Variants in SLC35F3 observed in about 807,000 individuals in gnomAD.
SLC35F3 encodes the protein solute carrier family 35 member F3.
Under a neutral mutation model 49.9 loss-of-function variants are expected in SLC35F3, and 25 were observed. The observed-to-expected ratio is 0.50, with a 90% CI of 0.37 to 0.70. The LOEUF is 0.70. SLC35F3 is among the 30% of genes least tolerant of loss of function. The pLI, the probability that SLC35F3 is intolerant of heterozygous loss-of-function variation, is 0.00. For missense variants in SLC35F3, 525 were observed against 639.8 expected, an observed-to-expected ratio of 0.82 and a Z score of 1.94; for synonymous variants, 275 against 265.4, an observed-to-expected ratio of 1.04 and a Z score of -0.35.
At chr1:234,121,133 CT>C (rs66702949) in intron 2 of SLC35F3, among the ~76,000 whole-genome samples, 17,384 of 102,322 alleles carry the variant, frequency 0.17, 418 homozygotes, top group Non-Finnish European at 0.22. Context: ...TGAAAAATTA[CT>C]TTTTTTTTTT....
chr1:234,322,029 T>TAAC (rs1430527113), intron 7 of SLC35F3, among the ~76,000 whole-genome samples: 1 of 151,286 alleles, frequency 6.6e-6, no homozygotes, highest in Non-Finnish European at 1.5e-5. Flanking sequence ...AAAATAATAA[T>TAAC]AATAATAATA....
chr1:234,226,041 G>C (rs964441299), intron 2 of SLC35F3, among the ~76,000 whole-genome samples: 1 of 152,140 alleles, frequency 6.6e-6, no homozygotes, highest in African/African-American at 2.4e-5. Flanking sequence ...ACTTCAAATG[G>C]GCACAAGAAC....
intron 2 of SLC35F3, among the ~76,000 whole-genome samples, chr1:233,967,632 A>G (rs1310937455): frequency 6.6e-6 from 1 of 152,226 alleles, no homozygotes; most frequent in African/African-American, 2.4e-5. Flanking sequence ...CCCAGTAAGA[A>G]GAAATATTCC....
intron 2 of SLC35F3, chr1:234,212,827 C>T (rs1667063044): frequency 6.6e-6 from 1 of 152,130 alleles, no homozygotes. Flanking sequence ...TTGCTGTAAG[C>T]TTATTCCAAA....
chr1:234,301,357 A>T (rs1230370456), intron 3 of SLC35F3, among the ~76,000 whole-genome samples: 1 of 152,194 alleles, frequency 6.6e-6, no homozygotes, highest in Non-Finnish European at 1.5e-5. Context: ...GAAAAAGACA[A>T]CCCCATCAAA....
At chr1:234,073,730 C>T (rs757296275) in intron 2 of SLC35F3, among the ~76,000 whole-genome samples, 2 of 152,138 alleles carry the variant, frequency 1.3e-5, no homozygotes, top group Non-Finnish European at 2.9e-5. Flanking sequence ...AATAAAAATC[C>T]AGTATAAACT....
chr1:234,262,752 G>A (rs527664037), intron 3 of SLC35F3, among the ~76,000 whole-genome samples: 3 of 152,320 alleles, frequency 2.0e-5, no homozygotes, highest in South Asian at 2.1e-4. Flanking sequence ...CTGAGGGCAG[G>A]TGGTGAGACC....
intron 2 of SLC35F3, among the ~76,000 whole-genome samples, chr1:234,124,781 T>C (rs528871488): frequency 6.6e-6 from 1 of 152,246 alleles, no homozygotes; most frequent in South Asian, 2.1e-4. Flanking sequence ...GGTGGGAGGA[T>C]CACTTGAGCC....
intron 3 of SLC35F3, among the ~76,000 whole-genome samples, chr1:234,287,628 T>A (rs1668443454): frequency 6.6e-6 from 1 of 152,226 alleles, no homozygotes; most frequent in Non-Finnish European, 1.5e-5. Context: ...TCCCATGTTA[T>A]AAATGATGAA....
intron 2 of SLC35F3, among the ~76,000 whole-genome samples, chr1:233,960,522 G>C (rs1662777334): frequency 6.6e-6 from 1 of 152,200 alleles, no homozygotes; most frequent in African/African-American, 2.4e-5. Flanking sequence ...CTGGCAGATG[G>C]CTCTCTGGCT....
chr1:234,188,434 C>T (rs1014323163), intron 2 of SLC35F3, among the ~76,000 whole-genome samples: 14 of 152,144 alleles, frequency 9.2e-5, no homozygotes, highest in East Asian at 1.9e-4. Context: ...CAGCTTTCCC[C>T]GACTTCCTGA....
At chr1:234,047,524 CATT>C (rs907150707) in intron 2 of SLC35F3, among the ~76,000 whole-genome samples, 2 of 152,186 alleles carry the variant, frequency 1.3e-5, no homozygotes, top group African/African-American at 4.8e-5. Flanking sequence ...AAAATTGAAT[CATT>C]GGTTCTTCCT....
chr1:234,298,143 T>C (rs575952216), intron 3 of SLC35F3, among the ~76,000 whole-genome samples: 525 of 152,340 alleles, frequency 3.4e-3, no homozygotes, highest in Non-Finnish European at 5.5e-3. Flanking sequence ...AAGACAGGTT[T>C]TTTTTGAGAA....
At chr1:234,226,403 C>T (rs143239477) in intron 2 of SLC35F3, among the ~76,000 whole-genome samples, 40 of 151,760 alleles carry the variant, frequency 2.6e-4, no homozygotes, top group African/African-American at 3.6e-4. Flanking sequence ...TCAGAAAGGA[C>T]TCAACAAGGG....
chr1:234,155,410 T>G (rs1022184680), intron 2 of SLC35F3, among the ~76,000 whole-genome samples: 3 of 110,160 alleles, frequency 2.7e-5, no homozygotes, highest in African/African-American at 4.0e-5. Flanking sequence ...TTATTATTAT[T>G]ATTATTATTA....
intron 2 of SLC35F3, among the ~76,000 whole-genome samples, chr1:233,965,706 G>C (rs1340952671): frequency 6.6e-6 from 1 of 152,186 alleles, no homozygotes; most frequent in Admixed American, 6.5e-5. Context: ...CCAGCCTCCA[G>C]ATGAGAACAC....
chr1:234,256,284 T>A (rs1667820545), intron 3 of SLC35F3, among the ~76,000 whole-genome samples: 1 of 152,232 alleles, frequency 6.6e-6, no homozygotes, highest in Admixed American at 6.5e-5. Flanking sequence ...GGAAATATTC[T>A]ATATCTTGAC....
chr1:234,224,503 A>G (rs1232105270), intron 2 of SLC35F3, among the ~76,000 whole-genome samples: 1 of 152,246 alleles, frequency 6.6e-6, no homozygotes, highest in African/African-American at 2.4e-5. Flanking sequence ...AGCATATCCT[A>G]GTGCAGGGTC....
chr1:234,144,889 AG>A (rs1665974352), intron 2 of SLC35F3, among the ~76,000 whole-genome samples: 1 of 152,188 alleles, frequency 6.6e-6, no homozygotes, highest in Admixed American at 6.5e-5. Flanking sequence ...CAAGAGGACA[AG>A]GAATACGTGG....
Sources: gnomAD v4.1 joint callset for allele counts (sites outside exome capture counted in the v4.1 genomes callset) on GRCh38, gnomAD v4.1.1 for gene constraint, MANE v1.5 for transcripts, NCBI Gene and HGNC (gene_info 2026-07-23, HGNC 2026-07-21) for gene names.